Variants in PDE9A observed in about 807,000 individuals in gnomAD.
The protein encoded by PDE9A is high affinity cGMP-specific 3',5'-cyclic phosphodiesterase 9A.
PDE9A carries 60 observed loss-of-function variants against 87.4 expected under a neutral mutation model. That is an observed-to-expected ratio of 0.69 (90% CI 0.56 to 0.85). The LOEUF (loss-of-function observed/expected upper bound fraction) is 0.85. PDE9A is among the 40% of genes least tolerant of loss of function. PDE9A has a pLI of 0.00. For synonymous variants in PDE9A, 272 were observed against 279.4 expected (o/e 0.97, Z 0.27); for missense variants, 665 against 779.0 (o/e 0.85, Z 1.74).
chr21:42,687,102 C>G (rs754745258), intron 2 of PDE9A, among the ~76,000 whole-genome samples: 2 of 152,230 alleles, frequency 1.3e-5, no homozygotes, highest in African/African-American at 2.4e-5. Context: ...TAATTATCAG[C>G]AAACTTTCCA....
Position 42,698,987 on chromosome 21 carries a change from C to G in PDE9A, c.238C>G (p.Pro80Ala), listed in dbSNP as rs756098680. The G allele has an allele frequency of 3.1e-6, 5 of 1,613,136 alleles. No individual in the cohort carries two copies. In the South Asian group the frequency reaches 3.3e-5, roughly 11 times the overall value. ...TTGCAGCACTCCGTACAAAGTGAGA[C>G]CTGTGGCCATCAAGCAACTCTCCGG... is the stretch of plus-strand genomic sequence containing the variant. ...NSERTPYKVR[P>A]VAIKQLSAGV... The change falls in exon 4 of 20, where the codon CCT becomes GCT. Residue 80 changes from proline (P) to alanine (A), a missense_variant. Transcript: ENST00000291539.
At chr21:42,754,721 C>T (rs544361473) in intron 10 of PDE9A, among the ~76,000 whole-genome samples, 5 of 152,244 alleles carry the variant, frequency 3.3e-5, no homozygotes, top group South Asian at 2.1e-4. Flanking sequence ...ATACTGTTCT[C>T]GTGATAGTGA....
chr21:42,708,577 G>T (rs2146429375), intron 4 of PDE9A, among the ~76,000 whole-genome samples: 1 of 152,226 alleles, frequency 6.6e-6, no homozygotes, highest in South Asian at 2.1e-4. Context: ...TTGTTTTTGA[G>T]GAGTTTCGCT....
At chr21:42,768,576 T>C (rs75348832) in intron 16 of PDE9A, 12,783 of 985,350 alleles carry the variant, frequency 0.013, 148 homozygotes, top group South Asian at 0.05. Flanking sequence ...ACAAATTGCC[T>C]GAAAGTCAAG....
At position 42,704,433 on chromosome 21, in the gene PDE9A, A is replaced by ACACACAC. The variant is rs2048641560; in HGVS notation, c.262+5422_262+5423insCACACAC. ...CAGGTAGACCCCCCCCACCCCACCAAACACACACACACACACACACACACA... is the reference window on the plus strand; with the variant it reads ...CAGGTAGACCCCCCCCACCCCACCAACACACACACACACACACACACACACACACACA... On this transcript the variant is annotated intron_variant, in intron 4 of 19. Transcript: ENST00000291539. The surrounding 1 kb of genome is among the most constrained non-coding windows in gnomAD (Gnocchi z 5.3). 1.5e-5 allele frequency among the ~76,000 whole-genome samples: 2 copies of ACACACAC among 137,040 alleles called. No individual in the cohort carries two copies. The highest frequency in any genetic ancestry group is 3.1e-5 in the Non-Finnish European group (2 of 63,726). The allele number at this position is 137,040 out of a possible 152,430, so 89.9% of individuals were successfully genotyped here.
At chr21:42,747,424 C>T (rs2053979272) in intron 8 of PDE9A, among the ~76,000 whole-genome samples, 1 of 152,202 alleles carries the variant, frequency 6.6e-6, no homozygotes, top group Admixed American at 6.5e-5. Context: ...CAGCCCCGTG[C>T]CACACAAATG....
chr21:42,670,765 G>A lies in PDE9A; in HGVS notation c.70-15427G>A, dbSNP rs932931516. On this transcript the variant is annotated intron_variant, in intron 1 of 19. Transcript: ENST00000291539. ...CACACACATACACTCACATTCACAC[G>A]CACATACACTCTGACACACATATAC... is the stretch of plus-strand genomic sequence containing the variant. Among the ~76,000 whole-genome samples, 123 of 151,328 alleles carry A rather than the reference G, an allele frequency of 8.1e-4. 2 individuals are homozygous for A. The highest frequency in any genetic ancestry group is 2.8e-3 in the Admixed American group (42 of 15,214).
In PDE9A at chr21:42,762,246, G is replaced by T. The variant is rs757712356; in HGVS notation, c.1242+7G>T. ...GTTCAAGCAGATCCGACAGGTGTGT[G>T]GGGTGAGGGCCCTCCCACCGGAGTG... is the stretch of plus-strand genomic sequence containing the variant. On this transcript the variant is annotated splice_region_variant and intron_variant, in intron 14 of 19. Coordinates refer to ENST00000291539, the MANE Select transcript of PDE9A (RefSeq NM_002606.3). 5.0e-6 allele frequency: 8 copies of T among 1,612,822 alleles called. No individual in the cohort carries two copies. The highest frequency in any genetic ancestry group is 5.1e-6 in the Non-Finnish European group (6 of 1,179,500).
intron 9 of PDE9A, among the ~76,000 whole-genome samples, chr21:42,752,797 A>G (rs559178838): frequency 6.6e-6 from 1 of 152,338 alleles, no homozygotes; most frequent in Admixed American, 6.5e-5. Flanking sequence ...GTATAGAACC[A>G]CAGCCTTCTG....
chr21:42,737,677 C>T (rs534098474), intron 7 of PDE9A, among the ~76,000 whole-genome samples: 13 of 152,268 alleles, frequency 8.5e-5, no homozygotes, highest in South Asian at 2.1e-4. Context: ...AGGCTGGTCT[C>T]GAACTCCTGA....
At chr21:42,726,621 TA>T (rs1359522064) in intron 4 of PDE9A, among the ~76,000 whole-genome samples, 443 of 36,396 alleles carry the variant, frequency 0.012, 7 homozygotes, top group Admixed American at 0.037. Context: ...TATATATATA[TA>T]TATTTTTTTT....
intron 7 of PDE9A, among the ~76,000 whole-genome samples, chr21:42,743,450 G>A (rs1218432514): frequency 6.6e-6 from 1 of 152,202 alleles, no homozygotes; most frequent in Non-Finnish European, 1.5e-5. Flanking sequence ...GTGCTTAGGG[G>A]TATGGAGCAA....
chr21:42,734,342 T>C (rs1415426500), intron 7 of PDE9A: 1 of 152,228 alleles, frequency 6.6e-6, no homozygotes. Context: ...ACCCTTTTTG[T>C]CCTCATCCAT....
intron 1 of PDE9A, among the ~76,000 whole-genome samples, chr21:42,664,270 C>T (rs531562332): frequency 9.8e-5 from 15 of 152,368 alleles, no homozygotes; most frequent in South Asian, 2.1e-4. Context: ...CAGCATGACA[C>T]AGGGCTGATG....
intron 18 of PDE9A, 102 bp from the exon 19 acceptor site, chr21:42,772,337 A>G: frequency 1.4e-6 from 1 of 731,844 alleles, no homozygotes; most frequent in Non-Finnish European, 2.3e-6. Context: ...ACAGGCTTTC[A>G]CGTTGCAGCA....
intron 10 of PDE9A, among the ~76,000 whole-genome samples, chr21:42,754,985 A>G (rs1209672026): frequency 6.6e-6 from 1 of 152,248 alleles, no homozygotes; most frequent in Non-Finnish European, 1.5e-5. Flanking sequence ...AAAAGGTGTT[A>G]AAATTCCTAT....
chr21:42,769,307 GCACATACA>G, intron 17 of PDE9A, 152 bp downstream of exon 17: 4 of 671,052 alleles, frequency 6.0e-6, no homozygotes, highest in South Asian at 3.8e-5. Flanking sequence ...GCACATACAG[GCACATACA>G]CATATACACA....
intron 4 of PDE9A, among the ~76,000 whole-genome samples, chr21:42,714,406 A>C (rs370063168): frequency 4.6e-5 from 7 of 152,200 alleles, no homozygotes; most frequent in Non-Finnish European, 8.8e-5. Context: ...AGAGCCCCCA[A>C]GTCTTTGTTG....
At chr21:42,758,738 C>T (rs904864700) in intron 10 of PDE9A, 4 of 440,846 alleles carry the variant, frequency 9.1e-6, no homozygotes, top group African/African-American at 6.0e-5. Flanking sequence ...CCCTCCACGC[C>T]CCAGGATCCA....
Sources: gnomAD v4.1 joint callset for allele counts (sites outside exome capture counted in the v4.1 genomes callset) on GRCh38, gnomAD v4.1.1 for gene constraint, Gnocchi (gnomAD v3.1) non-coding constraint, MANE v1.5 for transcripts, NCBI Gene and HGNC (gene_info 2026-07-23, HGNC 2026-07-21) for gene names.